PLXNA4: variants seen among roughly 807,000 people sequenced by gnomAD.
PLXNA4 encodes the protein plexin A4.
A neutral mutation model predicts 191.8 loss-of-function variants in PLXNA4; 44 were observed. The observed-to-expected ratio is 0.23, with a 90% confidence interval of 0.18 to 0.29. The LOEUF (loss-of-function observed/expected upper bound fraction) is 0.29. PLXNA4 is among the 10% of genes least tolerant of loss of function. The pLI, the probability that PLXNA4 is intolerant of heterozygous loss-of-function variation, is 1.00. For missense variants in PLXNA4, 1,800 were observed against 2,488.8 expected (o/e 0.72, Z 5.89); for synonymous variants, 1,082 against 1,009.5 (o/e 1.07, Z -1.36).
chr7:132,379,930 AG>A (rs778129777), intron 3 of PLXNA4, among the ~76,000 whole-genome samples: 1 of 152,186 alleles, frequency 6.6e-6, no homozygotes, highest in African/African-American at 2.4e-5. Context: ...TACTAGTCAA[AG>A]GTATGTTCTT....
At chr7:132,463,229 C>T (rs1180722851) in intron 3 of PLXNA4, among the ~76,000 whole-genome samples, 2 of 152,046 alleles carry the variant, frequency 1.3e-5, no homozygotes, top group African/African-American at 2.4e-5. Flanking sequence ...GATTGTTCTT[C>T]CCAGGGGAGG....
At chr7:132,644,722 C>G (rs374293595) in intron 2 of PLXNA4, among the ~76,000 whole-genome samples, 25 of 152,294 alleles carry the variant, frequency 1.6e-4, no homozygotes, top group African/African-American at 5.8e-4. Context: ...GGCAGTCGAT[C>G]TGTGGTTGGA....
At chr7:132,614,279 G>T (rs900785169) in intron 2 of PLXNA4, among the ~76,000 whole-genome samples, 1 of 151,790 alleles carries the variant, frequency 6.6e-6, no homozygotes, top group Admixed American at 6.6e-5. Flanking sequence ...TTTTCAGAAC[G>T]CTAAAAATCC....
At chr7:132,515,420 C>T (rs762527181) in intron 1 of PLXNA4, among the ~76,000 whole-genome samples, 4 of 152,150 alleles carry the variant, frequency 2.6e-5, no homozygotes, top group African/African-American at 4.8e-5. Context: ...AGTTTGGGTT[C>T]GGTTTTCTGG....
At chr7:132,501,493 C>T (rs142552510) in intron 2 of PLXNA4, among the ~76,000 whole-genome samples, 6 of 152,232 alleles carry the variant, frequency 3.9e-5, no homozygotes, top group African/African-American at 9.6e-5. Flanking sequence ...CCTGCTGACC[C>T]GATGGCCTCC....
At chr7:132,259,482 G>GAAA (rs1414792493) in intron 4 of PLXNA4, among the ~76,000 whole-genome samples, 3 of 111,364 alleles carry the variant, frequency 2.7e-5, no homozygotes, top group East Asian at 2.7e-4. Flanking sequence ...AAGAAAAAAG[G>GAAA]AAAAAAGAAA....
At chr7:132,584,214 C>T (rs1376309394) in intron 2 of PLXNA4, among the ~76,000 whole-genome samples, 1 of 152,136 alleles carries the variant, frequency 6.6e-6, no homozygotes, top group Non-Finnish European at 1.5e-5. Flanking sequence ...CTGTCCATAC[C>T]CCACCTTTTA....
chr7:132,563,344 CCTCTTT>C (rs1801441293), intron 1 of PLXNA4, among the ~76,000 whole-genome samples: 1 of 115,300 alleles, frequency 8.7e-6, no homozygotes. Context: ...TCCTTCTCCT[CCTCTTT>C]CTCCTCCTTC....
intron 1 of PLXNA4, among the ~76,000 whole-genome samples, chr7:132,547,928 A>T (rs570281604): frequency 7.2e-5 from 11 of 152,256 alleles, no homozygotes; most frequent in African/African-American, 1.9e-4. Context: ...GACCACTATG[A>T]CCAAATTAGG....
At chr7:132,377,729 T>C (rs1804718383) in intron 3 of PLXNA4, among the ~76,000 whole-genome samples, 1 of 152,146 alleles carries the variant, frequency 6.6e-6, no homozygotes, top group Admixed American at 6.5e-5. Flanking sequence ...TGCTGCCTAC[T>C]TGCAAATCCC....
chr7:132,641,226 C>T (rs1803737709), intron 2 of PLXNA4, among the ~76,000 whole-genome samples: 1 of 152,186 alleles, frequency 6.6e-6, no homozygotes, highest in African/African-American at 2.4e-5. Flanking sequence ...CTCAGGCTGC[C>T]ATAACAAAAT....
rs1399761050 is a variant in PLXNA4, at chr7:132,562,687, CCTT to C, written c.-87+13732_-87+13734del. ...CTCTTCCTCCTCCTCCTCCTCTCCT[CCTT>C]TTCCTCCTCCTCCTTCACCTCCTCC... is the stretch of plus-strand genomic sequence containing the variant. On this transcript the variant is annotated intron_variant, in intron 1 of 31. Transcript: ENST00000321063. Among the ~76,000 whole-genome samples the C allele has an allele frequency of 4.0e-4, 42 of 105,532 alleles. 1 individual carries two copies. Among genetic ancestry groups the C allele is most frequent in the African/African-American group, 1.6e-3 (40 of 24,726 alleles). The allele number at this position is 105,532 out of a possible 152,430, so 69.2% of individuals were successfully genotyped here.
intron 14 of PLXNA4, among the ~76,000 whole-genome samples, chr7:132,189,013 A>AAAGGAAAG (rs1562909013): frequency 1.9e-4 from 13 of 68,332 alleles, no homozygotes; most frequent in African/African-American, 3.8e-4. Flanking sequence ...AGAGAGAGAG[A>AAAGGAAAG]GAGAGAGAGA....
At chr7:132,198,979 T>G (rs1468046420) in intron 12 of PLXNA4, among the ~76,000 whole-genome samples, 1 of 152,158 alleles carries the variant, frequency 6.6e-6, no homozygotes, top group African/African-American at 2.4e-5. Context: ...TTGGTTCTAC[T>G]CTCAAGGAAA....
intron 3 of PLXNA4, among the ~76,000 whole-genome samples, chr7:132,337,815 A>G (rs1802877630): frequency 6.6e-6 from 1 of 152,134 alleles, no homozygotes; most frequent in Non-Finnish European, 1.5e-5. Flanking sequence ...TTGCTCACTC[A>G]AGGGTCTTTT....
At chr7:132,268,784 A>T (rs571954114) in intron 4 of PLXNA4, among the ~76,000 whole-genome samples, 1 of 152,118 alleles carries the variant, frequency 6.6e-6, no homozygotes, top group East Asian at 1.9e-4. Context: ...TCCTCAGTTG[A>T]CCAAGGAATG....
intron 3 of PLXNA4, among the ~76,000 whole-genome samples, chr7:132,435,074 A>G (rs894045312): frequency 2.6e-5 from 4 of 152,140 alleles, no homozygotes; most frequent in African/African-American, 9.7e-5. Flanking sequence ...CGCTTCTGGC[A>G]TCTGGACACA....
intron 3 of PLXNA4, among the ~76,000 whole-genome samples, chr7:132,369,851 AAGGTC>A (rs1220982722): frequency 4.0e-5 from 6 of 151,854 alleles, no homozygotes; most frequent in African/African-American, 1.2e-4. Flanking sequence ...GGCGGATCAC[AAGGTC>A]AGGAGATTGA....
At chr7:132,622,286 G>A (rs1021807749) in intron 2 of PLXNA4, among the ~76,000 whole-genome samples, 2 of 152,146 alleles carry the variant, frequency 1.3e-5, no homozygotes, top group African/African-American at 2.4e-5. Context: ...GTCACCACTT[G>A]AAAAAGAGCT....
Sources: allele counts gnomAD v4.1 joint callset (sites outside exome capture counted in the v4.1 genomes callset), GRCh38; gene constraint gnomAD v4.1.1; transcripts MANE v1.5; gene names NCBI Gene and HGNC (gene_info 2026-07-23, HGNC 2026-07-21).